Variants in TSNARE1 observed in about 807,000 individuals in gnomAD.
TSNARE1 encodes the protein t-SNARE domain containing 1, also known as t-SNARE domain-containing protein 1.
A neutral mutation model predicts 62.0 loss-of-function variants in TSNARE1; 49 were observed. The ratio of observed to expected loss-of-function variants is 0.79; its 90% CI spans 0.63 to 1.00. The LOEUF is 1.00. Ranked by LOEUF, TSNARE1 falls within the 50% of genes least tolerant of loss-of-function variation. The probability of loss-of-function intolerance (pLI) is 0.00; values close to 1 mark genes in which losing one functional copy is unlikely to be tolerated. For missense variants in TSNARE1, 755 were observed against 700.1 expected (o/e 1.08, Z -0.88); for synonymous variants, 328 against 294.4 (o/e 1.11, Z -1.17).
rs1185415475 is a variant in TSNARE1, at chr8:142,296,564, C to CAGGCTCTGGG, written c.1290+3912_1290+3921dup. Among the ~76,000 whole-genome samples, 60 of 152,094 alleles carry CAGGCTCTGGG rather than the reference C, an allele frequency of 3.9e-4. 1 individual carries two copies. Among genetic ancestry groups the CAGGCTCTGGG allele is most frequent in the Non-Finnish European group, 5.0e-4 (34 of 67,942 alleles). Reference sequence around the variant, plus strand: ...CAAGTCGCTGTGGAGCCCACTACTCCAGGCTCTGGGGATGGGGCTGACCCC... The same window carrying CAGGCTCTGGG: ...CAAGTCGCTGTGGAGCCCACTACTCCAGGCTCTGGGAGGCTCTGGGGATGGGGCTGACCCC... On this transcript the variant is annotated intron_variant, in intron 10 of 13. Transcript: ENST00000524325.
chr8:142,342,856 A>G (rs1445896572), intron 4 of TSNARE1, among the ~76,000 whole-genome samples: 1 of 149,478 alleles, frequency 6.7e-6, no homozygotes, highest in African/African-American at 2.5e-5. Flanking sequence ...GCACCTGTCC[A>G]GGCAACTTCC....
chr8:142,324,692 T>C (rs1299706508), intron 6 of TSNARE1, among the ~76,000 whole-genome samples: 1 of 152,188 alleles, frequency 6.6e-6, no homozygotes, highest in Non-Finnish European at 1.5e-5. Context: ...AGGCTGGAGC[T>C]GGTGAGCTGG....
chr8:142,317,528 G>C (rs1190578159), intron 7 of TSNARE1, among the ~76,000 whole-genome samples: 1 of 152,250 alleles, frequency 6.6e-6, no homozygotes, highest in East Asian at 1.9e-4. Flanking sequence ...GGGCCAGCAG[G>C]CTGCAGCTTG....
chr8:142,310,395 A>G (rs1023022811), intron 9 of TSNARE1, among the ~76,000 whole-genome samples: 1 of 151,414 alleles, frequency 6.6e-6, no homozygotes, highest in African/African-American at 2.5e-5. Context: ...AGTCCTCATC[A>G]TCACCGTTCC....
chr8:142,331,167 C>T (rs1295581152), intron 5 of TSNARE1, among the ~76,000 whole-genome samples, 197 bp from the exon 6 acceptor site: 4 of 152,256 alleles, frequency 2.6e-5, no homozygotes, highest in Non-Finnish European at 5.9e-5. Flanking sequence ...CCGCCAGAAC[C>T]CCTCCCCAGC....
intron 12 of TSNARE1, among the ~76,000 whole-genome samples, chr8:142,251,713 C>T (rs921111996): frequency 2.6e-5 from 4 of 151,318 alleles, no homozygotes; most frequent in African/African-American, 9.7e-5. Flanking sequence ...CTGCAGGGCC[C>T]GGGCACCATG....
chr8:142,273,442 C>G (rs1160149748), intron 12 of TSNARE1: 1 of 985,306 alleles, frequency 1.0e-6, no homozygotes. Flanking sequence ...CCCTCAGCGA[C>G]TAGAGGTGCT....
At chr8:142,252,323 C>G (rs554980352) in intron 12 of TSNARE1, among the ~76,000 whole-genome samples, 6 of 152,224 alleles carry the variant, frequency 3.9e-5, no homozygotes, top group Non-Finnish European at 7.3e-5. Flanking sequence ...CGGGCCCCCC[C>G]GGTACCAGGG....
At chr8:142,328,756 G>A (rs980767910) in intron 6 of TSNARE1, among the ~76,000 whole-genome samples, 20 of 147,980 alleles carry the variant, frequency 1.4e-4, no homozygotes, top group African/African-American at 3.5e-4. Flanking sequence ...ACTGAGCCCC[G>A]CCCATGGGAT....
intron 12 of TSNARE1, chr8:142,270,912 G>T (rs966115747): frequency 1.1e-5 from 11 of 985,404 alleles, no homozygotes; most frequent in Non-Finnish European, 1.3e-5. Flanking sequence ...TGGCAAGGAC[G>T]CGACATCACA....
At chr8:142,221,701 T>TCACTTATC (rs1816225798) in intron 13 of TSNARE1, among the ~76,000 whole-genome samples, 1 of 28,770 alleles carries the variant, frequency 3.5e-5, no homozygotes, top group African/African-American at 1.2e-4. Context: ...ACTCATCCAC[T>TCACTTATC]CACTCATCCA....
intron 12 of TSNARE1, chr8:142,270,326 G>A (rs938525086): frequency 5.5e-5 from 54 of 985,290 alleles, no homozygotes; most frequent in Middle Eastern, 1.0e-3. Context: ...TGCCTGCCAC[G>A]CCCGAGAAGC....
intron 9 of TSNARE1, among the ~76,000 whole-genome samples, chr8:142,308,256 C>T (rs572437164): frequency 4.5e-4 from 69 of 152,156 alleles, no homozygotes; most frequent in Non-Finnish European, 5.9e-4. Context: ...GGCACTTGTG[C>T]GTCTGTGTAA....
intron 1 of TSNARE1, among the ~76,000 whole-genome samples, chr8:142,378,485 T>C (rs755866704): frequency 7.4e-4 from 112 of 152,192 alleles, no homozygotes; most frequent in Non-Finnish European, 1.2e-3. Context: ...GTGTTAATTA[T>C]ACACGCTTGA....
intron 4 of TSNARE1, among the ~76,000 whole-genome samples, chr8:142,338,919 C>T (rs1409266094): frequency 6.6e-6 from 1 of 152,210 alleles, no homozygotes; most frequent in Non-Finnish European, 1.5e-5. Flanking sequence ...CCACCATACA[C>T]TGGCCCTGCG....
chr8:142,215,447 C>T (rs1471394379), intron 13 of TSNARE1, among the ~76,000 whole-genome samples: 1 of 152,122 alleles, frequency 6.6e-6, no homozygotes, highest in Non-Finnish European at 1.5e-5. Flanking sequence ...GCCAGAACTG[C>T]CCCTCCCATC....
intron 11 of TSNARE1, among the ~76,000 whole-genome samples, chr8:142,279,003 A>G (rs994117600): frequency 1.3e-5 from 2 of 152,150 alleles, no homozygotes; most frequent in Non-Finnish European, 2.9e-5. Flanking sequence ...GGAGGTGCAT[A>G]TGGGCTGAGG....
At chr8:142,212,700 G>A (rs1736857684) in intron 13 of TSNARE1, among the ~76,000 whole-genome samples, 1 of 151,862 alleles carries the variant, frequency 6.6e-6, no homozygotes, top group South Asian at 2.1e-4. Flanking sequence ...GCACCCACCG[G>A]CCCTCCCTCT....
chr8:142,320,230 C>G (rs1829276822), intron 6 of TSNARE1, among the ~76,000 whole-genome samples: 1 of 152,198 alleles, frequency 6.6e-6, no homozygotes, highest in South Asian at 2.1e-4. Context: ...GTCCAAACCT[C>G]AGAGCTCACC....
Sources: gnomAD v4.1 joint callset for allele counts (sites outside exome capture counted in the v4.1 genomes callset) on GRCh38, gnomAD v4.1.1 for gene constraint, MANE v1.5 for transcripts, NCBI Gene and HGNC (gene_info 2026-07-23, HGNC 2026-07-21) for gene names.